The following DDX60L variants were observed in gnomAD, a reference collection of about 807,000 sequenced individuals.
DDX60L encodes DExD/H-box 60 like, also known as probable ATP-dependent RNA helicase DDX60-like.
DDX60L carries 191 observed loss-of-function variants against 211.6 expected under a neutral mutation model. The ratio of observed to expected loss-of-function variants is 0.90; its 90% CI spans 0.80 to 1.02. The LOEUF (loss-of-function observed/expected upper bound fraction) is 1.02. Ranked by LOEUF, DDX60L falls within the 50% of genes least tolerant of loss-of-function variation. DDX60L has a pLI of 0.00. For synonymous variants in DDX60L, 706 were observed against 694.1 expected, an observed-to-expected ratio of 1.02 and a Z score of -0.27; for missense variants, 2,007 against 1,984.1, an observed-to-expected ratio of 1.01 and a Z score of -0.22.
chr4:168,420,694 C>T (rs62334145), intron 17 of DDX60L, among the ~76,000 whole-genome samples: 11,687 of 130,768 alleles, frequency 0.089, 554 homozygotes, highest in Non-Finnish European at 0.12. Flanking sequence ...GACAGACAGA[C>T]AGACAGACAG....
In DDX60L at chr4:168,453,282, C is replaced by A. The variant is rs1248339823; in HGVS notation, c.838G>T (p.Val280Leu). ...TGCAGGGATAGGCAATTACTGTGCA[C>A]CTGCGTACAATAAAGAAGATGAGAA... is the stretch of plus-strand genomic sequence containing the variant. ...LSLRMYHRVL[V>L]HSNCLSLQEV... Residue 280 changes from valine (V) to leucine (L), a missense_variant and splice_region_variant, in exon 8 of 38, where the codon GTG (valine) becomes TTG (leucine). Transcript: ENST00000682922. 1.9e-6 allele frequency: 3 copies of A among 1,608,010 alleles called. No homozygotes were observed. The East Asian group carries it at 6.7e-5, about 36-fold the overall frequency.
chr4:168,375,641 G>C, intron 33 of DDX60L, 117 bp from the exon 34 acceptor site: 2 of 974,546 alleles, frequency 2.1e-6, no homozygotes, highest in South Asian at 4.6e-5. Flanking sequence ...CAAAACCCTT[G>C]ATTACTTTAC....
chr4:168,432,172 T>A (rs1477330783), intron 12 of DDX60L, among the ~76,000 whole-genome samples: 1 of 151,656 alleles, frequency 6.6e-6, no homozygotes, highest in African/African-American at 2.4e-5. Flanking sequence ...GCACACCAGA[T>A]AATATAATGG....
At chr4:168,438,243 T>C (rs1753342948) in intron 10 of DDX60L, among the ~76,000 whole-genome samples, 1 of 152,154 alleles carries the variant, frequency 6.6e-6, no homozygotes, top group African/African-American at 2.4e-5. Context: ...CTACCTATAA[T>C]CTGTAAGCCC....
At chr4:168,459,774 GGGAA>G (rs70961524) in intron 5 of DDX60L, among the ~76,000 whole-genome samples, 3,417 of 56,870 alleles carry the variant, frequency 0.06, 209 homozygotes, top group African/African-American at 0.18. Flanking sequence ...GAAGGAAGGA[GGGAA>G]GGAAGGAAGG....
At chr4:168,367,087 C>T (rs1560923666) in intron 36 of DDX60L, among the ~76,000 whole-genome samples, 2 of 152,028 alleles carry the variant, frequency 1.3e-5, no homozygotes, top group Admixed American at 6.5e-5. Flanking sequence ...TAGATATACA[C>T]ATGCACAAGA....
At chr4:168,476,679 C>T (rs10012902) in intron 1 of DDX60L, among the ~76,000 whole-genome samples, 25,106 of 152,074 alleles carry the variant, frequency 0.17, 2,230 homozygotes, top group Non-Finnish European at 0.19. Flanking sequence ...AAATCATATG[C>T]ATCGGATCAG....
chr4:168,406,675 G>T lies in DDX60L; in HGVS notation c.3011C>A (p.Thr1004Asn), dbSNP rs771930457. ...IEKYGFPPDLTLTPQESIQLY... is the reference protein window; with the variant it reads ...IEKYGFPPDLNLTPQESIQLY... ...CTGGATGCTTTCTTGAGGGGTGAGG[G>T]TAAGATCAGGTGGGAATCCATACTT... The change falls in exon 23 of 38, where the codon ACC becomes AAC. Residue 1004 changes from threonine (T) to asparagine (N), a missense_variant. Thr to Asn is a moderately conservative substitution (Grantham distance 65). Transcript: ENST00000682922. The T allele has an allele frequency of 1.9e-6, 3 of 1,605,116 alleles. No individual in the cohort carries two copies. The Admixed American group carries it at 5.1e-5, about 27-fold the overall frequency.
intron 36 of DDX60L, chr4:168,361,476 C>T (rs985684023): frequency 2.7e-5 from 7 of 258,134 alleles, no homozygotes; most frequent in African/African-American, 1.1e-4. Flanking sequence ...ATGAGGACTA[C>T]AGATTAAAGT....
chr4:168,373,349 G>A (rs1234493832), intron 35 of DDX60L, among the ~76,000 whole-genome samples: 2 of 151,974 alleles, frequency 1.3e-5, no homozygotes, highest in African/African-American at 4.8e-5. Flanking sequence ...GCACTATGAG[G>A]TCTATGATCA....
At chr4:168,434,970 T>TA (rs1217195668) in intron 10 of DDX60L, among the ~76,000 whole-genome samples, 1 of 152,200 alleles carries the variant, frequency 6.6e-6, no homozygotes, top group Admixed American at 6.5e-5. Flanking sequence ...CAAAGGGACC[T>TA]ACTGCTATTT....
intron 19 of DDX60L, among the ~76,000 whole-genome samples, chr4:168,417,207 A>G (rs1008610773): frequency 6.6e-6 from 1 of 152,118 alleles, no homozygotes; most frequent in Non-Finnish European, 1.5e-5. Context: ...TTAAATCCCT[A>G]CACTGTCCTC....
In DDX60L at chr4:168,373,774, G is replaced by A. The variant is rs573671869; in HGVS notation, c.4668C>T (p.Leu1556=). The change falls in exon 35 of 38, where the codon CTC becomes CTT. Residue 1556 remains leucine (L), a synonymous_variant. Transcript: ENST00000682922. ...FTGKECEDSQ[L]VSHLMSCKKG... Reference sequence around the variant, plus strand: ...TCTTGCAGCTCATCAAGTGAGACACGAGTTGGGAGTCTTCACATTCTTTAC... The same window carrying A: ...TCTTGCAGCTCATCAAGTGAGACACAAGTTGGGAGTCTTCACATTCTTTAC... 8.9e-5 allele frequency: 143 copies of A among 1,613,956 alleles called. 3 individuals carry two copies. In the South Asian group the frequency reaches 1.4e-3, roughly 16 times the overall value.
At chr4:168,388,829 G>T (rs546858751) in intron 29 of DDX60L, among the ~76,000 whole-genome samples, 5 of 152,308 alleles carry the variant, frequency 3.3e-5, no homozygotes, top group Admixed American at 2.6e-4. Flanking sequence ...GCAACAGGCT[G>T]GTTTGAATGT....
chr4:168,361,462 G>A, intron 36 of DDX60L: 1 of 309,712 alleles, frequency 3.2e-6, no homozygotes, highest in African/African-American at 2.1e-5. Context: ...GCATAGAAGG[G>A]TCAATGAGGA....
intron 7 of DDX60L, 72 bp from the exon 8 acceptor site, chr4:168,453,354 C>T (rs934602105): frequency 8.1e-5 from 118 of 1,456,894 alleles, no homozygotes; most frequent in Non-Finnish European, 9.9e-5. Context: ...AGGCACTCCA[C>T]GAAGATCATA....
chr4:168,441,630 C>T (rs1331128508), intron 9 of DDX60L, 138 bp from the exon 10 acceptor site: 2 of 645,056 alleles, frequency 3.1e-6, no homozygotes, highest in Non-Finnish European at 5.0e-6. Flanking sequence ...ACACAATACA[C>T]TTGCATGAAA....
intron 8 of DDX60L, among the ~76,000 whole-genome samples, chr4:168,451,890 C>G (rs1755854081): frequency 6.6e-6 from 1 of 152,166 alleles, no homozygotes; most frequent in South Asian, 2.1e-4. Context: ...TTCCCTTCCC[C>G]CACTAACTAC....
intron 17 of DDX60L, among the ~76,000 whole-genome samples, chr4:168,420,601 C>T (rs1033057558): frequency 1.8e-5 from 2 of 114,068 alleles, no homozygotes; most frequent in Admixed American, 9.0e-5. Flanking sequence ...TGATTTTAAA[C>T]ACACACACAC....
Sources: allele counts gnomAD v4.1 joint callset (sites outside exome capture counted in the v4.1 genomes callset), GRCh38; gene constraint gnomAD v4.1.1; transcripts MANE v1.5; gene names NCBI Gene and HGNC (gene_info 2026-07-23, HGNC 2026-07-21).